MCF2L: variants seen among roughly 807,000 people sequenced by gnomAD.
The protein encoded by MCF2L is MCF.2 cell line derived transforming sequence like, also known as guanine nucleotide exchange factor DBS.
A neutral mutation model predicts 153.4 loss-of-function variants in MCF2L; 97 were observed. The observed-to-expected ratio is 0.63, with a 90% CI of 0.54 to 0.75. The LOEUF is 0.75. MCF2L is among the 30% of genes least tolerant of loss of function. The probability of loss-of-function intolerance (pLI) is 0.00; values close to 1 mark genes in which losing one functional copy is unlikely to be tolerated. For synonymous variants in MCF2L, 659 were observed against 632.2 expected (o/e 1.04, Z -0.64); for missense variants, 1,347 against 1,495.2 (o/e 0.90, Z 1.64).
At chr13:112,952,037 T>C (rs2081699546) in intron 2 of MCF2L, among the ~76,000 whole-genome samples, 1 of 152,226 alleles carries the variant, frequency 6.6e-6, no homozygotes. Flanking sequence ...AAAATCAATA[T>C]TTGCTTCAGA....
At chr13:112,934,759 G>C (rs1452321587) in intron 2 of MCF2L, among the ~76,000 whole-genome samples, 1 of 152,166 alleles carries the variant, frequency 6.6e-6, no homozygotes, top group Non-Finnish European at 1.5e-5. Context: ...TGGAAGGTTG[G>C]AGGCCACTGA....
At chr13:112,948,135 T>A (rs2081656277) in intron 2 of MCF2L, among the ~76,000 whole-genome samples, 1 of 152,144 alleles carries the variant, frequency 6.6e-6, no homozygotes, top group Admixed American at 6.5e-5. Context: ...CCTAAACTAT[T>A]CTGTGCTGTG....
intron 2 of MCF2L, among the ~76,000 whole-genome samples, chr13:112,949,993 C>T (rs1034159075): frequency 1.4e-5 from 2 of 144,244 alleles, no homozygotes; most frequent in African/African-American, 2.7e-5. Flanking sequence ...TTATAAAATC[C>T]CAAGGATTCT....
At chr13:113,079,131 G>T (rs2033833313) in intron 15 of MCF2L, among the ~76,000 whole-genome samples, 1 of 152,148 alleles carries the variant, frequency 6.6e-6, no homozygotes, top group South Asian at 2.1e-4. Flanking sequence ...GGCTCAGTGT[G>T]GCAGGCAGTG....
chr13:113,094,645 G>A lies in MCF2L; in HGVS notation c.3075+10G>A, dbSNP rs1157999289. On this transcript the variant is annotated intron_variant, in intron 27 of 29. Transcript: ENST00000535094. ...GGGCCCCAAGAAGCTGGTAACCACGGCTTCCCTGTGGGCACTTGGGGTGGG... is the reference window on the plus strand; with the variant it reads ...GGGCCCCAAGAAGCTGGTAACCACGACTTCCCTGTGGGCACTTGGGGTGGG... The A allele has an allele frequency of 6.2e-7, 1 of 1,606,110 alleles. No homozygotes were observed.
At chr13:113,078,580 T>TA in intron 14 of MCF2L, 86 bp from the exon 15 acceptor site, 1 of 1,427,108 alleles carries the variant, frequency 7.0e-7, no homozygotes, top group African/African-American at 1.4e-5. Context: ...CCTGTCCCCA[T>TA]ACGGGAACTG....
In MCF2L at chr13:113,066,085, C is replaced by G; in HGVS notation, c.796C>G (p.Leu266Val). The G allele has an allele frequency of 6.2e-7, 1 of 1,613,378 alleles. No homozygotes were observed. Among genetic ancestry groups the G allele is most frequent in the Non-Finnish European group, 8.5e-7 (1 of 1,179,918 alleles). Reference protein sequence around the residue: ...RLALKEGHSVLESLRELQAEG... With the variant: ...RLALKEGHSVVESLRELQAEG... Reference sequence around the variant, plus strand: ...GGCACTGAAAGAGGGGCACAGTGTCCTGGAGAGCCTCAGGGAGCTGCAGGC... The same window carrying G: ...GGCACTGAAAGAGGGGCACAGTGTCGTGGAGAGCCTCAGGGAGCTGCAGGC... The change falls in exon 8 of 30, where the codon CTG (leucine) becomes GTG (valine). Residue 266 changes from leucine to valine, a missense_variant. By Grantham distance (32) the Leu-to-Val change is conservative. This residue lies in a region of MCF2L where 820 missense variants were observed against 921.2 expected (regional missense o/e 0.89). Coordinates refer to ENST00000535094, the MANE Select transcript of MCF2L (RefSeq NM_001112732.3).
In MCF2L at chr13:112,998,162, T is replaced by C. The variant is rs549938833; in HGVS notation, c.80-16601T>C. On this transcript the variant is annotated intron_variant, in intron 1 of 29. Coordinates refer to ENST00000535094, the MANE Select transcript of MCF2L (RefSeq NM_001112732.3). ...CAGCTCCTAGACACGGTCATTCATG[T>C]AATTTCTAGGCACATTTGTAAAGCA... Among the ~76,000 whole-genome samples, 73 of 152,358 alleles carry C rather than the reference T, an allele frequency of 4.8e-4. 1 individual carries two copies. In the South Asian group the frequency reaches 0.015, roughly 31 times the overall value.
intron 1 of MCF2L, among the ~76,000 whole-genome samples, chr13:113,013,125 C>G (rs1267495111): frequency 6.6e-6 from 1 of 152,208 alleles, no homozygotes; most frequent in Non-Finnish European, 1.5e-5. Context: ...GAACATCCAA[C>G]TGCGCAGTCT....
chr13:112,956,909 T>C (rs1035387073), intron 2 of MCF2L: 21 of 152,334 alleles, frequency 1.4e-4, no homozygotes, highest in African/African-American at 4.8e-4. Flanking sequence ...AACCAAGCCT[T>C]ACTTACAGCC....
intron 27 of MCF2L, chr13:113,095,028 T>C: frequency 7.3e-7 from 1 of 1,373,754 alleles, no homozygotes; most frequent in East Asian, 4.5e-5. Flanking sequence ...GAGGAGACAG[T>C]CCCCACCCCC....
chr13:112,898,383 C>G (rs925335234), intron 1 of MCF2L, among the ~76,000 whole-genome samples: 1 of 152,164 alleles, frequency 6.6e-6, no homozygotes, highest in African/African-American at 2.4e-5. Flanking sequence ...TCGCTTGGAA[C>G]CTGTGTGCGG....
intron 27 of MCF2L, chr13:113,095,207 G>T: frequency 1.6e-6 from 2 of 1,229,674 alleles, no homozygotes; most frequent in Non-Finnish European, 2.1e-6. Context: ...TCCAGTGAGG[G>T]TTACACCAAG....
intron 2 of MCF2L, among the ~76,000 whole-genome samples, chr13:112,911,983 A>T (rs552540840): frequency 6.6e-6 from 1 of 152,318 alleles, no homozygotes; most frequent in Non-Finnish European, 1.5e-5. Context: ...ATTCTTTTTA[A>T]AAAGAAAAAA....
At chr13:113,050,334 T>G (rs2087154857) in intron 4 of MCF2L, among the ~76,000 whole-genome samples, 1 of 151,646 alleles carries the variant, frequency 6.6e-6, no homozygotes, top group Non-Finnish European at 1.5e-5. Flanking sequence ...GTTCACATTT[T>G]GGGAATTTGT....
rs2081970404 is a variant in MCF2L at position 112,969,535 on chromosome 13, G to A, written c.79+77G>A. On this transcript the variant is annotated intron_variant, in intron 1 of 29. Coordinates refer to ENST00000535094, the MANE Select transcript of MCF2L (RefSeq NM_001112732.3). This position sits in a 1 kb window ranked among gnomAD's most constrained non-coding sequence, Gnocchi z 4.8. The stretch of plus-strand genomic sequence containing the variant: ...GGCTGAAATGTGGGGAAATGCGTCT[G>A]ATTTTTGTAAGCCGCCCTCGTGTTC... The A allele has an allele frequency of 1.3e-6, 2 of 1,539,624 alleles. No individual in the cohort carries two copies. The highest frequency in any genetic ancestry group is 1.4e-5 in the African/African-American group (1 of 72,796).
intron 1 of MCF2L, among the ~76,000 whole-genome samples, chr13:112,997,817 G>A (rs2083202236): frequency 6.6e-6 from 1 of 152,250 alleles, no homozygotes; most frequent in South Asian, 2.1e-4. Flanking sequence ...AAGGTGCAGG[G>A]ACCAGCGTGG....
intron 3 of MCF2L, among the ~76,000 whole-genome samples, chr13:113,033,290 TTAGTGGACCCCGTGGC>T (rs1566773042): frequency 3.5e-5 from 4 of 115,622 alleles, no homozygotes; most frequent in African/African-American, 7.1e-5. Context: ...CCCTGTGACA[TTAGTGGACCCCGTGGC>T]GTGAGTGGCC....
chr13:113,064,241 G>A lies in MCF2L; in HGVS notation c.490-63G>A. ...GTGCTGCTGGGTGTTCTGCTGATGG[G>A]GCAGCTCTTTTGGGAGCCAACAATA... On this transcript the variant is annotated intron_variant, in intron 5 of 29. Transcript: ENST00000535094. This position sits in a 1 kb window ranked among gnomAD's most constrained non-coding sequence, Gnocchi z 6.0. The A allele has an allele frequency of 1.6e-6, 2 of 1,215,950 alleles. No homozygotes were observed. Among genetic ancestry groups the A allele is most frequent in the Non-Finnish European group, 2.4e-6 (2 of 821,746 alleles). 75.3% of individuals were successfully genotyped at this position (1,215,950 alleles called of 1,614,324 possible). A position where few individuals can be genotyped will look rare whatever the true frequency, so the allele number is the denominator to read the frequency against.
Sources: allele counts gnomAD v4.1 joint callset (sites outside exome capture counted in the v4.1 genomes callset), GRCh38; gene constraint gnomAD v4.1.1; regional missense constraint gnomAD v4.1.1; non-coding constraint Gnocchi (gnomAD v3.1); transcripts MANE v1.5; gene names NCBI Gene and HGNC (gene_info 2026-07-23, HGNC 2026-07-21).